Variants in KLHDC4 observed in about 807,000 individuals in gnomAD.
KLHDC4 encodes kelch domain containing 4.
KLHDC4 carries 90 observed loss-of-function variants against 62.4 expected under a neutral mutation model. The observed-to-expected ratio is 1.44, with a 90% confidence interval of 1.22 to 1.72. The LOEUF is 1.72. Ranked by LOEUF, KLHDC4 falls within the 40% of genes most tolerant of loss-of-function variation. The pLI, the probability that KLHDC4 is intolerant of heterozygous loss-of-function variation, is 0.00. For missense variants in KLHDC4, 1,025 were observed against 699.7 expected (o/e 1.47, Z -5.25); for synonymous variants, 386 against 284.4 (o/e 1.36, Z -3.59).
Position 87,764,830 on chromosome 16 carries a change from CAAAAAAAAAAAA to C in KLHDC4, c.99+950_99+961del, listed in dbSNP as rs35356541. On this transcript the variant is annotated intron_variant, in intron 1 of 11. Coordinates refer to ENST00000270583, the MANE Select transcript of KLHDC4 (RefSeq NM_017566.4). The stretch of plus-strand genomic sequence containing the variant: ...CCTAGGTGACAGAGCAAGACTCTGT[CAAAAAAAAAAAA>C]AAAAAAAAGAAAGAGCCTAAGAGGA... 1.8e-3 allele frequency among the ~76,000 whole-genome samples: 146 copies of C among 80,512 alleles called. 1 individual carries two copies. The highest frequency in any genetic ancestry group is 0.013 in the Middle Eastern group (2 of 152). The allele number at this position is 80,512 out of a possible 152,430, so 52.8% of individuals were successfully genotyped here. A position where few individuals can be genotyped will look rare whatever the true frequency, so the allele number is the denominator to read the frequency against.
chr16:87,742,883 A>T (rs1343029467), intron 5 of KLHDC4: 1 of 152,232 alleles, frequency 6.6e-6, no homozygotes, highest in Non-Finnish European at 1.5e-5. Context: ...CAGGGAAGGG[A>T]AGACTCATTC....
At chr16:87,736,610 T>C (rs34353967) in intron 5 of KLHDC4, among the ~76,000 whole-genome samples, 8,758 of 152,230 alleles carry the variant, frequency 0.058, 326 homozygotes, top group East Asian at 0.16. Context: ...TAACAAATGA[T>C]AGTGTAAAGA....
chr16:87,737,590 C>CTTT (rs10709997), intron 5 of KLHDC4, among the ~76,000 whole-genome samples: 15 of 130,394 alleles, frequency 1.2e-4, no homozygotes, highest in African/African-American at 4.1e-4. Flanking sequence ...ACAAATCAGT[C>CTTT]TTTTTTTTTT....
At chr16:87,702,791 C>T (rs78045624), upstream of KLHDC4, among the ~76,000 whole-genome samples, 4,490 of 152,298 alleles carry the variant, frequency 0.029, 87 homozygotes, top group Middle Eastern at 0.085. Context: ...TCGGCCCTGG[C>T]GCATGTGAAC....
rs143507364 is a variant in KLHDC4 at position 87,744,476 on chromosome 16, G to A, written c.506+4197C>T. On this transcript the variant is annotated intron_variant, in intron 5 of 11. Coordinates refer to ENST00000270583, the MANE Select transcript of KLHDC4 (RefSeq NM_017566.4). The stretch of plus-strand genomic sequence containing the variant: ...CAGACACCTGTAATCCCAGCTACTC[G>A]GGACACTGAGGCACAAGAATGGCTT... 4.8e-3 allele frequency among the ~76,000 whole-genome samples: 723 copies of A among 150,866 alleles called. 3 individuals carry two copies. The highest frequency in any genetic ancestry group is 0.017 in the African/African-American group (681 of 40,988).
chr16:87,721,554 C>T (rs1453936937), intron 7 of KLHDC4, among the ~76,000 whole-genome samples: 1 of 152,062 alleles, frequency 6.6e-6, no homozygotes, highest in Non-Finnish European at 1.5e-5. Context: ...CAGCCGGTGA[C>T]CTGGGAGAGC....
chr16:87,701,955 C>T (rs1240175018), exon 1 of KLHDC4: 1 of 456,296 alleles, frequency 2.2e-6, no homozygotes. Context: ...GGGCTCTGCT[C>T]TGTCCTTCTT....
chr16:87,746,758 T>C (rs2043099268), intron 5 of KLHDC4, among the ~76,000 whole-genome samples: 2 of 152,176 alleles, frequency 1.3e-5, no homozygotes. Flanking sequence ...AGACTGGAAC[T>C]GGGGGCCAAG....
At chr16:87,718,957 C>T (rs552404886) in intron 7 of KLHDC4, among the ~76,000 whole-genome samples, 7 of 150,764 alleles carry the variant, frequency 4.6e-5, no homozygotes, top group East Asian at 2.0e-4. Context: ...CCCGGCCGCC[C>T]GGTCTGAGAA....
rs539723364 is a variant in KLHDC4 at position 87,764,423 on chromosome 16, G to C, written c.99+1369C>G. ...CCAGCACTTTGGGAGGCCGAGGCGA[G>C]CGCATCACCTGAGGTCAGGAGTCCC... On this transcript the variant is annotated intron_variant, in intron 1 of 11. Coordinates refer to ENST00000270583, the MANE Select transcript of KLHDC4 (RefSeq NM_017566.4). Among the ~76,000 whole-genome samples, 10 of 152,062 alleles carry C rather than the reference G, an allele frequency of 6.6e-5. No individual in the cohort carries two copies. In the South Asian group the frequency reaches 2.1e-3, roughly 32 times the overall value.
At chr16:87,706,184 G>C (rs550528142), downstream of KLHDC4, among the ~76,000 whole-genome samples, 4 of 124,726 alleles carry the variant, frequency 3.2e-5, no homozygotes, top group East Asian at 2.7e-4. Flanking sequence ...CAGCCCTCGG[G>C]GGGGGGTCAG....
intron 5 of KLHDC4, among the ~76,000 whole-genome samples, chr16:87,746,394 A>G (rs1331070512): frequency 6.6e-6 from 1 of 152,088 alleles, no homozygotes; most frequent in Non-Finnish European, 1.5e-5. Flanking sequence ...AAAGAGACAG[A>G]GAGAGAAAGA....
chr16:87,731,816 G>T (rs1407807867), intron 5 of KLHDC4, among the ~76,000 whole-genome samples: 1 of 152,220 alleles, frequency 6.6e-6, no homozygotes, highest in Non-Finnish European at 1.5e-5. Flanking sequence ...GTGGGTGAAT[G>T]AACAGCATGT....
chr16:87,751,470 T>C (rs888126795), intron 4 of KLHDC4, among the ~76,000 whole-genome samples: 1 of 131,078 alleles, frequency 7.6e-6, no homozygotes, highest in African/African-American at 2.9e-5. Context: ...CAAGACTTCA[T>C]CTCAAAAAAA....
chr16:87,758,965 G>C (rs1255099803), intron 2 of KLHDC4, among the ~76,000 whole-genome samples: 2 of 151,922 alleles, frequency 1.3e-5, no homozygotes, highest in Non-Finnish European at 2.9e-5. Context: ...CACCTGAGGT[G>C]GGGAGTTCGA....
chr16:87,731,139 C>A (rs1449773943), intron 5 of KLHDC4: 3 of 137,910 alleles, frequency 2.2e-5, no homozygotes, highest in South Asian at 2.3e-4. Context: ...TCTCGGCTCA[C>A]TGCAACCTTC....
exon 1 of KLHDC4, chr16:87,701,817 C>A (rs757024927): frequency 2.2e-6 from 1 of 456,760 alleles, no homozygotes. Context: ...ACAGAGGCCT[C>A]CAGCTGCACC....
At chr16:87,763,309 T>C (rs1267430194) in intron 1 of KLHDC4, among the ~76,000 whole-genome samples, 1 of 152,240 alleles carries the variant, frequency 6.6e-6, no homozygotes, top group South Asian at 2.1e-4. Flanking sequence ...CATTTTTAAA[T>C]GTCATTAAAT....
intron 1 of KLHDC4, 173 bp from the exon 2 acceptor site, chr16:87,762,213 A>G (rs1315789506): frequency 2.2e-6 from 3 of 1,372,282 alleles, no homozygotes; most frequent in Non-Finnish European, 2.9e-6. Flanking sequence ...GAAAGTAACC[A>G]GAGCTTGACC....
Sources: allele counts gnomAD v4.1 joint callset (sites outside exome capture counted in the v4.1 genomes callset), GRCh38; gene constraint gnomAD v4.1.1; transcripts MANE v1.5; gene names NCBI Gene and HGNC (gene_info 2026-07-23, HGNC 2026-07-21).